OPHN1: variants seen among roughly 807,000 people sequenced by gnomAD.
OPHN1 encodes oligophrenin-1.
Under a neutral mutation model 60.7 loss-of-function variants are expected in OPHN1, and 11 were observed. The ratio of observed to expected loss-of-function variants is 0.18; its 90% confidence interval spans 0.11 to 0.30. The LOEUF (loss-of-function observed/expected upper bound fraction) is 0.30, where lower values mean the gene tolerates loss of function less well. OPHN1 is among the 10% of genes least tolerant of loss of function. The pLI is 1.00. For missense variants in OPHN1, 449 were observed against 611.0 expected, an observed-to-expected ratio of 0.73 and a Z score of 2.80; for synonymous variants, 226 against 222.6, an observed-to-expected ratio of 1.02 and a Z score of -0.14.
At chrX:68,287,882 C>T (rs1447975883) in intron 3 of OPHN1, among the ~76,000 whole-genome samples, 4 of 111,740 alleles carry the variant, frequency 3.6e-5, no homozygotes, top group African/African-American at 9.8e-5. Context: ...TATGAAAGAT[C>T]GAATTTTTGG....
intron 5 of OPHN1, among the ~76,000 whole-genome samples, chrX:68,238,533 AAGAGG>A (rs2077764215): frequency 1.8e-5 from 2 of 111,586 alleles, no homozygotes; most frequent in South Asian, 7.5e-4. Context: ...TCCATTTGAA[AAGAGG>A]AAAGGTCTAG....
chrX:68,334,766 G>A (rs916088485), intron 2 of OPHN1, among the ~76,000 whole-genome samples: 3 of 110,164 alleles, frequency 2.7e-5, no homozygotes, highest in African/African-American at 9.9e-5. Context: ...CCTTGAGTCC[G>A]GGAGTTTGAG....
chrX:68,185,672 G>T (rs749080702), intron 15 of OPHN1, among the ~76,000 whole-genome samples: 5 of 107,645 alleles, frequency 4.6e-5, no homozygotes, highest in Non-Finnish European at 9.6e-5. Flanking sequence ...AAGAATAAGA[G>T]AAAAAAAAAG....
intron 19 of OPHN1, among the ~76,000 whole-genome samples, chrX:68,077,210 G>T (rs2076956754): frequency 9.0e-6 from 1 of 111,716 alleles, no homozygotes; most frequent in Admixed American, 9.5e-5. Context: ...ACAAAGAAGT[G>T]GGTAAAAACA....
chrX:68,214,772 A>C (rs2077600468), intron 6 of OPHN1, among the ~76,000 whole-genome samples: 1 of 111,625 alleles, frequency 9.0e-6, no homozygotes, highest in South Asian at 3.8e-4. Flanking sequence ...CGAGGTGGGT[A>C]GATCACCTGA....
chrX:68,266,052 T>C (rs2077923842), intron 5 of OPHN1, among the ~76,000 whole-genome samples: 1 of 111,496 alleles, frequency 9.0e-6, no homozygotes, highest in East Asian at 2.8e-4. Flanking sequence ...CTACGTCTGA[T>C]TGGTGTACCT....
chrX:68,290,825 G>A (rs1342169173), intron 3 of OPHN1, among the ~76,000 whole-genome samples: 3 of 109,546 alleles, frequency 2.7e-5, no homozygotes, highest in Non-Finnish European at 3.8e-5. Flanking sequence ...TGTGATCCTG[G>A]GCAAGTTTCT....
rs1336332293 is a variant in OPHN1, at chrX:68,064,043, T to C, written c.1969A>G (p.Ile657Val). Reference sequence around the variant, plus strand: ...CAGGGCTCCAACTTGCCATCCAAAATAGGCCTGCTTGGGGACTTCCTCCCA... The same window carrying C: ...CAGGGCTCCAACTTGCCATCCAAAACAGGCCTGCTTGGGGACTTCCTCCCA... ...DPGRKSPSRP[I>V]LDGKLEPCPE... is the part of the protein sequence containing the mutation. Residue 657 changes from isoleucine (I) to valine (V), a missense_variant, in exon 21 of 25, where the codon ATT (isoleucine) becomes GTT (valine). This residue lies in a region of OPHN1 where 184 missense variants were observed against 160.5 expected (regional missense o/e 1.15). Coordinates refer to ENST00000355520, the MANE Select transcript of OPHN1 (RefSeq NM_002547.3). The C allele has an allele frequency of 8.3e-7, 1 of 1,210,107 alleles. No homozygotes were observed.
intron 20 of OPHN1, chrX:68,071,728 C>G (rs189897466): frequency 1.2e-3 from 569 of 489,065 alleles, no homozygotes; most frequent in Non-Finnish European, 1.8e-3. Context: ...TGCCCTTTGA[C>G]GTCTGGTTTG....
intron 3 of OPHN1, among the ~76,000 whole-genome samples, chrX:68,296,021 G>A (rs766388263): frequency 2.6e-4 from 29 of 111,246 alleles, no homozygotes; most frequent in Non-Finnish European, 3.8e-4. Context: ...CACACTCTGC[G>A]TTCTCAGCTT....
intron 18 of OPHN1, among the ~76,000 whole-genome samples, chrX:68,106,597 G>A (rs1443590294): frequency 3.6e-5 from 4 of 111,750 alleles, no homozygotes; most frequent in Non-Finnish European, 5.6e-5. Context: ...TGCCAGGGAG[G>A]TGGCCTTAGA....
At chrX:68,155,379 C>A (rs765437560) in intron 15 of OPHN1, among the ~76,000 whole-genome samples, 1 of 111,621 alleles carries the variant, frequency 9.0e-6, no homozygotes, top group South Asian at 3.8e-4. Context: ...TCCCCATACT[C>A]CCCACATGTC....
chrX:68,232,531 G>A (rs2077733659), intron 6 of OPHN1, among the ~76,000 whole-genome samples: 1 of 111,712 alleles, frequency 9.0e-6, no homozygotes, highest in African/African-American at 3.3e-5. Flanking sequence ...TGCGGGGCTA[G>A]TTACACAGGC....
At chrX:68,258,388 ACCCCTCC>A (rs1223429487) in intron 5 of OPHN1, among the ~76,000 whole-genome samples, 1 of 41,823 alleles carries the variant, frequency 2.4e-5, no homozygotes, top group African/African-American at 2.0e-4. Flanking sequence ...TCCTAATGCT[ACCCCTCC>A]CCCCTCCCCC....
At chrX:68,196,742 G>T (rs2077514366) in intron 12 of OPHN1, among the ~76,000 whole-genome samples, 1 of 112,025 alleles carries the variant, frequency 8.9e-6, no homozygotes, top group Non-Finnish European at 1.9e-5. Context: ...TGAGTTGGTG[G>T]TATAAGGGTG....
chrX:68,380,009 T>C lies in OPHN1; in HGVS notation c.154+52858A>G, dbSNP rs1017348960. On this transcript the variant is annotated intron_variant, in intron 2 of 24. Transcript: ENST00000355520. ...ATAGTTTCAGAAGGAATGGTACCAGTTCCTCCTTGTACCTCTGGTAGAATT... is the reference window on the plus strand; with the variant it reads ...ATAGTTTCAGAAGGAATGGTACCAGCTCCTCCTTGTACCTCTGGTAGAATT... 4.5e-5 allele frequency among the ~76,000 whole-genome samples: 5 copies of C among 110,917 alleles called. No homozygotes were observed. The South Asian group carries it at 1.1e-3, about 25-fold the overall frequency.
intron 2 of OPHN1, among the ~76,000 whole-genome samples, chrX:68,408,902 A>G (rs1338967808): frequency 8.9e-6 from 1 of 112,786 alleles, no homozygotes; most frequent in Non-Finnish European, 1.9e-5. Context: ...CGGAGGCTGC[A>G]GTGAGCCAAG....
chrX:68,368,633 T>C (rs1162675244), intron 2 of OPHN1, among the ~76,000 whole-genome samples: 2 of 111,563 alleles, frequency 1.8e-5, no homozygotes, highest in African/African-American at 6.5e-5. Context: ...CTGAGAGGAC[T>C]AAGCTTTCAC....
Position 68,399,130 on chromosome X carries a change from T to G in OPHN1, c.154+33737A>C, listed in dbSNP as rs752430835. Among the ~76,000 whole-genome samples, 15 of 110,488 alleles carry G rather than the reference T, an allele frequency of 1.4e-4. No homozygotes were observed. The South Asian group carries it at 5.8e-3, about 43-fold the overall frequency. On this transcript the variant is annotated intron_variant, in intron 2 of 24. Transcript: ENST00000355520. The stretch of plus-strand genomic sequence containing the variant: ...ATCTCCATCTCCCCAACCTTCCATA[T>G]CCAATTTATCACCAAGTCCGATTTA...
Sources: gnomAD v4.1 joint callset for allele counts (sites outside exome capture counted in the v4.1 genomes callset) on GRCh38, gnomAD v4.1.1 for gene constraint, gnomAD v4.1.1 regional missense constraint, MANE v1.5 for transcripts, NCBI Gene and HGNC (gene_info 2026-07-23, HGNC 2026-07-21) for gene names.